PTPN9: variants seen among roughly 807,000 people sequenced by gnomAD.
PTPN9 encodes the protein protein tyrosine phosphatase non-receptor type 9, also known as tyrosine-protein phosphatase non-receptor type 9.
In PTPN9, 26 loss-of-function variants were observed where a neutral mutation model predicts 69.8. That is an observed-to-expected ratio of 0.37 (90% CI 0.27 to 0.52). The LOEUF is 0.52. PTPN9 is among the 20% of genes least tolerant of loss of function. The pLI, the probability that PTPN9 is intolerant of heterozygous loss-of-function variation, is 0.91. For synonymous variants in PTPN9, 274 were observed against 272.5 expected, an observed-to-expected ratio of 1.01 and a Z score of -0.05; for missense variants, 549 against 740.3, an observed-to-expected ratio of 0.74 and a Z score of 3.00.
chr15:75,576,024 GA>G (rs1400061601), intron 1 of PTPN9, among the ~76,000 whole-genome samples: 1 of 142,802 alleles, frequency 7.0e-6, no homozygotes, highest in African/African-American at 2.6e-5. Context: ...ACGAGGTCAA[GA>G]AATCGAGACC....
intron 4 of PTPN9, among the ~76,000 whole-genome samples, chr15:75,517,942 C>G (rs1028861410): frequency 6.6e-6 from 1 of 152,186 alleles, no homozygotes; most frequent in African/African-American, 2.4e-5. Flanking sequence ...AAGCCCATCT[C>G]TAAGAAAATA....
chr15:75,578,670 G>A, intron 1 of PTPN9, 44 bp downstream of exon 1: 2 of 1,320,472 alleles, frequency 1.5e-6, no homozygotes, highest in Non-Finnish European at 1.9e-6. Context: ...CGTAGGCCTC[G>A]GGGGCCCGGA....
intron 1 of PTPN9, among the ~76,000 whole-genome samples, chr15:75,561,082 G>A (rs978269677): frequency 4.7e-5 from 7 of 150,094 alleles, no homozygotes; most frequent in Non-Finnish European, 1.0e-4. Flanking sequence ...TTTGGAGGCC[G>A]AGGCAAGTGG....
chr15:75,486,146 A>G (rs1477693170), intron 8 of PTPN9, among the ~76,000 whole-genome samples: 4 of 151,894 alleles, frequency 2.6e-5, no homozygotes, highest in African/African-American at 4.8e-5. Flanking sequence ...GAGATAAAGT[A>G]TACACTTGGG....
intron 1 of PTPN9, among the ~76,000 whole-genome samples, chr15:75,556,961 T>C (rs2075080653): frequency 6.6e-6 from 1 of 152,232 alleles, no homozygotes; most frequent in Non-Finnish European, 1.5e-5. Flanking sequence ...TCCTCCTGTG[T>C]CTGGCTTATT....
chr15:75,504,961 AC>A (rs2074809831), intron 7 of PTPN9, among the ~76,000 whole-genome samples: 2 of 152,114 alleles, frequency 1.3e-5, no homozygotes, highest in African/African-American at 4.8e-5. Flanking sequence ...TGGGAGGTGT[AC>A]CCAACAGCTC....
chr15:75,492,838 G>T (rs149683421), intron 7 of PTPN9, among the ~76,000 whole-genome samples: 40 of 152,154 alleles, frequency 2.6e-4, no homozygotes, highest in South Asian at 6.2e-4. Flanking sequence ...CTTACACAAA[G>T]ACTTTAATAC....
rs939123975 is a variant in PTPN9, at chr15:75,507,740, C to G, written c.639+1177G>C. 1.1e-4 allele frequency among the ~76,000 whole-genome samples: 17 copies of G among 151,258 alleles called. No homozygotes were observed. In the East Asian group the frequency reaches 2.4e-3, roughly 21 times the overall value. ...CGAGATCGCTTCACTGCACTCCAGC[C>G]TGGGAGACAGAGCGAGACTCCGTCT... On this transcript the variant is annotated intron_variant, in intron 6 of 12. Transcript: ENST00000618819.
intron 8 of PTPN9, among the ~76,000 whole-genome samples, chr15:75,480,292 T>G (rs987704618): frequency 6.6e-6 from 1 of 152,102 alleles, no homozygotes; most frequent in African/African-American, 2.4e-5. Flanking sequence ...AGAAAAGAGA[T>G]AAATTGGACT....
At chr15:75,576,937 T>C (rs1027050132) in intron 1 of PTPN9, among the ~76,000 whole-genome samples, 4 of 152,206 alleles carry the variant, frequency 2.6e-5, no homozygotes, top group African/African-American at 9.6e-5. Context: ...TGCTTTTGTT[T>C]CAATATTTTG....
Position 75,535,318 on chromosome 15 carries a change from G to C in PTPN9, c.64-8057C>G, listed in dbSNP as rs150923403. Among the ~76,000 whole-genome samples, 1,259 of 152,214 alleles carry C rather than the reference G, an allele frequency of 8.3e-3. 37 individuals carry two copies. The highest frequency in any genetic ancestry group is 0.057 in the Admixed American group (867 of 15,266). On this transcript the variant is annotated intron_variant, in intron 1 of 12. Transcript: ENST00000618819. ...GCCTCAACTGAAAACACTTTTTAAA[G>C]GACCAATTATTCCTTATTCAAGGCT...
chr15:75,480,166 A>C (rs1343069054), intron 8 of PTPN9, among the ~76,000 whole-genome samples: 1 of 152,160 alleles, frequency 6.6e-6, no homozygotes, highest in Non-Finnish European at 1.5e-5. Context: ...ATCACAGACC[A>C]AATGTAAGGG....
chr15:75,524,555 G>A (rs1043823687), intron 2 of PTPN9, among the ~76,000 whole-genome samples: 1 of 152,040 alleles, frequency 6.6e-6, no homozygotes, highest in Non-Finnish European at 1.5e-5. Context: ...AGGCGGGCAG[G>A]TCACCTGAGG....
intron 4 of PTPN9, among the ~76,000 whole-genome samples, chr15:75,522,696 C>T (rs1281001546): frequency 6.6e-6 from 1 of 152,132 alleles, no homozygotes; most frequent in African/African-American, 2.4e-5. Flanking sequence ...TGAGCCACTG[C>T]ACCCAGCCCT....
intron 8 of PTPN9, among the ~76,000 whole-genome samples, chr15:75,489,687 T>C (rs899142527): frequency 6.6e-6 from 1 of 152,192 alleles, no homozygotes; most frequent in Non-Finnish European, 1.5e-5. Flanking sequence ...TGTTAATAGA[T>C]TACATATGAG....
At chr15:75,473,068 T>C (rs1404628333) in intron 10 of PTPN9, among the ~76,000 whole-genome samples, 1 of 152,292 alleles carries the variant, frequency 6.6e-6, no homozygotes, top group East Asian at 1.9e-4. Flanking sequence ...TTGTCCCATG[T>C]TTCCCAGAAC....
In PTPN9 at chr15:75,466,963, A is replaced by G. The variant is rs971177769; in HGVS notation, c.*1806T>C. 11 of 152,242 alleles carry G rather than the reference A, an allele frequency of 7.2e-5. No homozygotes were observed. Among genetic ancestry groups the G allele is most frequent in the African/African-American group, 2.7e-4 (11 of 41,440 alleles). The allele number at this position is 152,242 out of a possible 1,614,324, so 9.4% of individuals were successfully genotyped here. On this transcript the variant is annotated 3_prime_UTR_variant, in exon 13 of 13. Coordinates refer to ENST00000618819, the MANE Select transcript of PTPN9 (RefSeq NM_002833.4). ...GGTGCTGGTCCCTCTGTCCAGAGAT[A>G]GGGCCATGGCCTACAGACAAGGTGA...
chr15:75,518,719 A>G (rs1343388588), intron 4 of PTPN9, among the ~76,000 whole-genome samples: 1 of 151,616 alleles, frequency 6.6e-6, no homozygotes, highest in Non-Finnish European at 1.5e-5. Context: ...TGGGAGGCTG[A>G]GGCAGGAGAA....
At chr15:75,484,661 A>G (rs1320676340) in intron 8 of PTPN9, among the ~76,000 whole-genome samples, 1 of 152,254 alleles carries the variant, frequency 6.6e-6, no homozygotes, top group East Asian at 1.9e-4. Flanking sequence ...TTGAATGGAT[A>G]GAAGCAGTGG....
Sources: allele counts gnomAD v4.1 joint callset (sites outside exome capture counted in the v4.1 genomes callset), GRCh38; gene constraint gnomAD v4.1.1; transcripts MANE v1.5; gene names NCBI Gene and HGNC (gene_info 2026-07-23, HGNC 2026-07-21).